Variants in METTL22 observed in about 807,000 individuals in gnomAD.
METTL22 encodes methyltransferase-like protein 22.
METTL22 carries 51 observed loss-of-function variants against 48.4 expected under a neutral mutation model. The observed-to-expected ratio is 1.05, with a 90% CI of 0.84 to 1.33. The LOEUF (loss-of-function observed/expected upper bound fraction) is 1.33. Ranked by LOEUF, METTL22 falls within the 40% of genes most tolerant of loss-of-function variation. The pLI is 0.00. For synonymous variants in METTL22, 255 were observed against 214.1 expected, an observed-to-expected ratio of 1.19 and a Z score of -1.67; for missense variants, 678 against 526.9, an observed-to-expected ratio of 1.29 and a Z score of -2.81.
intron 7 of METTL22, chr16:8,641,782 G>C (rs1043237658): frequency 4.5e-6 from 2 of 445,104 alleles, no homozygotes; most frequent in Admixed American, 7.0e-5. Context: ...CCCTTTCTGT[G>C]AGTGCAAAAC....
At chr16:8,627,418 C>A (rs899420370) in intron 2 of METTL22, among the ~76,000 whole-genome samples, 8 of 152,140 alleles carry the variant, frequency 5.3e-5, no homozygotes, top group African/African-American at 1.9e-4. Flanking sequence ...AAAACACCTG[C>A]TTTCCTCCCC....
chr16:8,664,779 C>T, the METTL22 span, among the ~76,000 whole-genome samples: 2 of 152,124 alleles, frequency 1.3e-5, no homozygotes, highest in African/African-American at 4.8e-5. Flanking sequence ...AGCTCTTTCC[C>T]AGGACCCATC....
In METTL22 at chr16:8,642,571, C is replaced by T. The variant is rs777696209; in HGVS notation, c.1010+6C>T. 2.5e-6 allele frequency: 4 copies of T among 1,613,668 alleles called. No homozygotes were observed. Among genetic ancestry groups the T allele is most frequent in the Non-Finnish European group, 3.4e-6 (4 of 1,179,584 alleles). ...ATACTGTCGGTGGAGAAGAGGTGAG[C>T]TTTGCGCCACGGGAACCGTGCTGAC... is the stretch of plus-strand genomic sequence containing the variant. On this transcript the variant is annotated splice_donor_region_variant and intron_variant, in intron 9 of 10. Transcript: ENST00000381920.
intron 1 of METTL22, among the ~76,000 whole-genome samples, chr16:8,625,021 T>TG (rs992908926): frequency 3.2e-4 from 47 of 146,872 alleles, no homozygotes; most frequent in Non-Finnish European, 6.3e-4. Context: ...TACTGGTTTC[T>TG]GGGGGAAAAA....
chr16:8,651,502 T>G (rs2056897784), downstream of METTL22, among the ~76,000 whole-genome samples: 1 of 152,060 alleles, frequency 6.6e-6, no homozygotes, highest in Non-Finnish European at 1.5e-5. Context: ...GTTTTTGGCT[T>G]GGCGGAATTT....
the METTL22 span, among the ~76,000 whole-genome samples, chr16:8,662,818 A>G: frequency 2.8e-5 from 4 of 144,492 alleles, no homozygotes; most frequent in African/African-American, 1.0e-4. Context: ...TGGTCTGTAA[A>G]ATGCGCACAC....
intron 6 of METTL22, 62 bp from the exon 7 acceptor site, chr16:8,641,069 T>A (rs1451671737): frequency 6.6e-7 from 1 of 1,517,660 alleles, no homozygotes; most frequent in East Asian, 2.3e-5. Flanking sequence ...GTGTAAAAGT[T>A]TATCTTTTTT....
rs1170086171 is a variant in METTL22 at position 8,642,138 on chromosome 16, C to A, written c.838C>A (p.Pro280Thr). ...TTGTTCTTTCTTAGATCCCAAGGTC[C>A]CCTTCAGTTGGTCACAAGAGGAAAT... ...KDDLCTDPKV[P>T]FSWSQEEISD... Residue 280 changes from proline (P) to threonine (T), a missense_variant, in exon 8 of 11, where the codon CCC (proline) becomes ACC (threonine). Transcript: ENST00000381920. 10 of 1,613,050 alleles carry A rather than the reference C, an allele frequency of 6.2e-6. No homozygotes were observed. Among genetic ancestry groups the A allele is most frequent in the Admixed American group, 3.3e-5 (2 of 60,026 alleles).
intron 1 of METTL22, among the ~76,000 whole-genome samples, chr16:8,624,680 A>G (rs570979637): frequency 1.3e-5 from 2 of 152,192 alleles, no homozygotes; most frequent in East Asian, 1.9e-4. Context: ...AGCCTGGGAA[A>G]CATAGTGAGA....
At chr16:8,660,825 A>T in the METTL22 span, among the ~76,000 whole-genome samples, 1 of 1,232 alleles carries the variant, frequency 8.1e-4, no homozygotes, top group African/African-American at 1.6e-3. Flanking sequence ...GAGGAGGAGG[A>T]GGAGGGGGAG....
the METTL22 span, among the ~76,000 whole-genome samples, chr16:8,660,457 G>A: frequency 2.0e-5 from 3 of 152,060 alleles, no homozygotes; most frequent in Admixed American, 6.6e-5. Flanking sequence ...GGGATTACAG[G>A]TGTGACCCAC....
At chr16:8,652,841 G>C (rs944932020), downstream of METTL22, among the ~76,000 whole-genome samples, 6 of 152,182 alleles carry the variant, frequency 3.9e-5, no homozygotes, top group Non-Finnish European at 8.8e-5. Flanking sequence ...CATCTTGGCT[G>C]TCGGCTGCAG....
rs1437415912 is a variant in METTL22, at chr16:8,648,901, A to G, written c.*2758A>G. On this transcript the variant is annotated 3_prime_UTR_variant, in exon 11 of 11. Coordinates refer to ENST00000381920, the MANE Select transcript of METTL22 (RefSeq NM_024109.4). ...AGTTTGAGAAGCTCTGGGGCCTACC[A>G]CATAGCCCTCAACCTATTGCTGTTT... 1.3e-5 allele frequency: 2 copies of G among 152,294 alleles called. No individual in the cohort carries two copies. The highest frequency in any genetic ancestry group is 2.4e-5 in the African/African-American group (1 of 41,474). The allele number at this position is 152,294 out of a possible 1,614,324, so 9.4% of individuals were successfully genotyped here. A position where few individuals can be genotyped will look rare whatever the true frequency, so the allele number is the denominator to read the frequency against.
the METTL22 span, among the ~76,000 whole-genome samples, chr16:8,660,365 A>T: frequency 1.3e-5 from 2 of 150,908 alleles, no homozygotes; most frequent in East Asian, 2.0e-4. Flanking sequence ...TTTAGTAGAG[A>T]TGGGGGTTTC....
chr16:8,629,082 A>G lies in METTL22; in HGVS notation c.486A>G (p.Gln162=). 1.2e-6 allele frequency: 2 copies of G among 1,613,608 alleles called. No individual in the cohort carries two copies. Among genetic ancestry groups the G allele is most frequent in the Non-Finnish European group, 1.7e-6 (2 of 1,179,992 alleles). ...EEDDVLGEEA[Q]GSPHDIIRIE... ...ACGACGTCCTGGGAGAGGAAGCACA[A>G]GGCAGCCCGCACGATATCATCAGAA... The change falls in exon 3 of 11, where the codon CAA becomes CAG. Residue 162 remains glutamine (Q), a synonymous_variant. Transcript: ENST00000381920.
chr16:8,645,732 T>C (rs1055977307), intron 10 of METTL22, among the ~76,000 whole-genome samples: 1 of 152,166 alleles, frequency 6.6e-6, no homozygotes, highest in African/African-American at 2.4e-5. Flanking sequence ...GCTGTGATGG[T>C]GCCACTGCAC....
At chr16:8,634,109 C>G (rs988879041) in intron 3 of METTL22, among the ~76,000 whole-genome samples, 3 of 152,236 alleles carry the variant, frequency 2.0e-5, no homozygotes, top group African/African-American at 7.2e-5. Context: ...AGCCAAGATG[C>G]TGGTGGACAA....
intron 5 of METTL22, among the ~76,000 whole-genome samples, chr16:8,636,537 AAAC>A (rs140668062): frequency 0.85 from 103,733 of 122,088 alleles, 43,055 homozygotes; most frequent in East Asian, 0.96. Context: ...AAAAAAAAAA[AAAC>A]AAACTTTATA....
downstream of METTL22, among the ~76,000 whole-genome samples, chr16:8,650,460 A>G (rs901949966): frequency 1.3e-5 from 2 of 152,288 alleles, no homozygotes; most frequent in African/African-American, 4.8e-5. Flanking sequence ...CCTGTAAAAT[A>G]GTAAAACTTC....
Sources: allele counts gnomAD v4.1 joint callset (sites outside exome capture counted in the v4.1 genomes callset), GRCh38; gene constraint gnomAD v4.1.1; transcripts MANE v1.5; gene names NCBI Gene and HGNC (gene_info 2026-07-23, HGNC 2026-07-21).